The following ZNRF3 variants were observed in gnomAD, a reference collection of about 807,000 sequenced individuals.
ZNRF3 encodes the protein zinc and ring finger 3, also known as E3 ubiquitin-protein ligase ZNRF3.
A neutral mutation model predicts 72.5 loss-of-function variants in ZNRF3; 23 were observed. The ratio of observed to expected loss-of-function variants is 0.32; its 90% confidence interval spans 0.23 to 0.45. The LOEUF (loss-of-function observed/expected upper bound fraction) is 0.45. Among genes scored for constraint, ZNRF3 ranks in the 20% least tolerant of loss-of-function variants. The pLI, the probability that ZNRF3 is intolerant of heterozygous loss-of-function variation, is 1.00. For synonymous variants in ZNRF3, 610 were observed against 545.3 expected (o/e 1.12, Z -1.65); for missense variants, 1,169 against 1,272.1 (o/e 0.92, Z 1.23).
intron 2 of ZNRF3, among the ~76,000 whole-genome samples, chr22:29,019,086 T>C (rs761706726): frequency 1.3e-5 from 2 of 151,816 alleles, no homozygotes; most frequent in Non-Finnish European, 1.5e-5. Context: ...CCCAGGCTTC[T>C]TACATGATAG....
chr22:28,987,845 A>G (rs1307857281), intron 2 of ZNRF3, among the ~76,000 whole-genome samples: 2 of 152,184 alleles, frequency 1.3e-5, no homozygotes, highest in African/African-American at 4.8e-5. Flanking sequence ...GCAGACAGCA[A>G]TTATGGTCCT....
At chr22:28,923,848 A>G (rs369602345) in intron 1 of ZNRF3, among the ~76,000 whole-genome samples, 4 of 152,254 alleles carry the variant, frequency 2.6e-5, no homozygotes, top group Non-Finnish European at 4.4e-5. Flanking sequence ...TTCACTGCTC[A>G]TGCACTGGCA....
intron 1 of ZNRF3, among the ~76,000 whole-genome samples, chr22:28,981,628 T>G (rs1204816018): frequency 1.3e-5 from 2 of 152,254 alleles, no homozygotes; most frequent in Non-Finnish European, 2.9e-5. Flanking sequence ...TAAACAAAGA[T>G]TGAATCTCTT....
intron 1 of ZNRF3, among the ~76,000 whole-genome samples, chr22:28,923,974 C>T (rs371685763): frequency 3.9e-5 from 6 of 152,222 alleles, no homozygotes; most frequent in African/African-American, 9.6e-5. Context: ...CCCGCGTGGG[C>T]GCTGTGATGG....
intron 1 of ZNRF3, among the ~76,000 whole-genome samples, chr22:28,966,947 T>G (rs537630713): frequency 6.8e-6 from 1 of 147,242 alleles, no homozygotes; most frequent in African/African-American, 2.5e-5. Flanking sequence ...TGGCATAATC[T>G]CGGCTCACTG....
chr22:28,888,271 T>A (rs971900017), intron 1 of ZNRF3, among the ~76,000 whole-genome samples: 1 of 152,252 alleles, frequency 6.6e-6, no homozygotes, highest in Non-Finnish European at 1.5e-5. Context: ...CTGCTTTGTT[T>A]CCCTGTCAGT....
chr22:29,001,669 C>T (rs897463392), intron 2 of ZNRF3, among the ~76,000 whole-genome samples: 10 of 152,030 alleles, frequency 6.6e-5, no homozygotes, highest in Non-Finnish European at 1.3e-4. Flanking sequence ...GGCGGGGTTT[C>T]GCCTTGTTGG....
intron 1 of ZNRF3, among the ~76,000 whole-genome samples, chr22:28,895,894 C>T (rs1202125561): frequency 6.6e-6 from 1 of 152,116 alleles, no homozygotes; most frequent in Non-Finnish European, 1.5e-5. Flanking sequence ...CTTACAGTAT[C>T]TTAGTTCATC....
intron 2 of ZNRF3, among the ~76,000 whole-genome samples, chr22:28,997,638 C>T (rs572811136): frequency 6.6e-6 from 1 of 152,104 alleles, no homozygotes; most frequent in South Asian, 2.1e-4. Context: ...TCAGTAACAG[C>T]TGGGTTACTT....
At chr22:28,914,146 TC>T (rs1305367484) in intron 1 of ZNRF3, among the ~76,000 whole-genome samples, 1 of 152,166 alleles carries the variant, frequency 6.6e-6, no homozygotes, top group Non-Finnish European at 1.5e-5. Context: ...GAAGGAGAAC[TC>T]CCTCTGGCTG....
intron 1 of ZNRF3, among the ~76,000 whole-genome samples, chr22:28,984,059 T>A (rs752676582): frequency 3.8e-4 from 57 of 151,964 alleles, no homozygotes; most frequent in Non-Finnish European, 6.3e-4. Context: ...CCGTGTTAGC[T>A]GAGGGCAGTG....
chr22:28,974,407 C>T (rs1027309602), intron 1 of ZNRF3, among the ~76,000 whole-genome samples: 2 of 152,196 alleles, frequency 1.3e-5, no homozygotes, highest in African/African-American at 4.8e-5. Flanking sequence ...GATGCATATA[C>T]ATTTTATAAT....
At chr22:28,958,984 T>G (rs1014091826) in intron 1 of ZNRF3, among the ~76,000 whole-genome samples, 1 of 152,250 alleles carries the variant, frequency 6.6e-6, no homozygotes, top group Non-Finnish European at 1.5e-5. Context: ...CGTTCTGGTA[T>G]GAAATTTCTC....
intron 2 of ZNRF3, among the ~76,000 whole-genome samples, chr22:29,012,644 G>A (rs1222274365): frequency 6.6e-6 from 1 of 152,202 alleles, no homozygotes; most frequent in Non-Finnish European, 1.5e-5. Flanking sequence ...GGTGTAGGAA[G>A]GGCCCCCATC....
intron 1 of ZNRF3, among the ~76,000 whole-genome samples, chr22:28,903,417 G>A (rs981641925): frequency 6.6e-6 from 1 of 152,196 alleles, no homozygotes; most frequent in Admixed American, 6.5e-5. Context: ...CTAATTACGT[G>A]GGACTTGGGG....
At chr22:28,927,601 G>A (rs1031823435) in intron 1 of ZNRF3, among the ~76,000 whole-genome samples, 2 of 152,244 alleles carry the variant, frequency 1.3e-5, no homozygotes, top group Admixed American at 6.5e-5. Flanking sequence ...GTGTTTGTAT[G>A]TGTGTGTAAG....
chr22:28,910,722 G>A (rs189107369), intron 1 of ZNRF3, among the ~76,000 whole-genome samples: 18 of 152,334 alleles, frequency 1.2e-4, no homozygotes, highest in Admixed American at 5.2e-4. Context: ...AGTATAACAT[G>A]CATAGGCTGA....
intron 1 of ZNRF3, among the ~76,000 whole-genome samples, chr22:28,963,722 T>C (rs888213689): frequency 6.6e-6 from 1 of 152,206 alleles, no homozygotes; most frequent in African/African-American, 2.4e-5. Context: ...GCTAGGACAG[T>C]TTCTTGACTA....
intron 1 of ZNRF3, among the ~76,000 whole-genome samples, chr22:28,941,247 C>T (rs536668017): frequency 1.2e-3 from 180 of 152,134 alleles, no homozygotes; most frequent in African/African-American, 4.0e-3. Context: ...TTATTAGATG[C>T]GTGGCTGTAA....
Sources: allele counts gnomAD v4.1 joint callset (sites outside exome capture counted in the v4.1 genomes callset), GRCh38; gene constraint gnomAD v4.1.1; transcripts MANE v1.5; gene names NCBI Gene and HGNC (gene_info 2026-07-23, HGNC 2026-07-21).